Variants in ABCA4 observed in about 807,000 individuals in gnomAD.
The protein encoded by ABCA4 is retinal-specific phospholipid-transporting ATPase ABCA4.
In ABCA4, 196 loss-of-function variants were observed where a neutral mutation model predicts 263.7. The observed-to-expected ratio is 0.74, with a 90% confidence interval of 0.66 to 0.84. The LOEUF is 0.84. Ranked by LOEUF, ABCA4 falls within the 40% of genes least tolerant of loss-of-function variation. ABCA4 has a pLI of 0.00. For synonymous variants in ABCA4, 1,133 were observed against 1,094.2 expected, an observed-to-expected ratio of 1.04 and a Z score of -0.70; for missense variants, 2,792 against 2,855.1, an observed-to-expected ratio of 0.98 and a Z score of 0.50.
At chr1:94,055,892 A>G (rs1299166445) in intron 15 of ABCA4, among the ~76,000 whole-genome samples, 39 of 152,166 alleles carry the variant, frequency 2.6e-4, no homozygotes, top group Non-Finnish European at 7.3e-5. Context: ...TCTTGACTCT[A>G]CAGCACAGAG....
chr1:94,109,110 A>C (rs1397957131), intron 3 of ABCA4, among the ~76,000 whole-genome samples: 1 of 152,236 alleles, frequency 6.6e-6, no homozygotes, highest in African/African-American at 2.4e-5. Flanking sequence ...TGTCTGGCCT[A>C]GCTACTACAT....
intron 38 of ABCA4, among the ~76,000 whole-genome samples, chr1:94,014,329 AAGGAGGG>A (rs749733209): frequency 2.9e-5 from 4 of 139,954 alleles, no homozygotes; most frequent in Non-Finnish European, 3.1e-5. Flanking sequence ...GGGACGGGGG[AAGGAGGG>A]AGGAGGGAGG....
At chr1:94,027,724 C>T (rs1660080802) in intron 30 of ABCA4, among the ~76,000 whole-genome samples, 1 of 152,182 alleles carries the variant, frequency 6.6e-6, no homozygotes, top group Admixed American at 6.5e-5. Flanking sequence ...CTCCCTGCTG[C>T]CTTAGCCATA....
intron 45 of ABCA4, chr1:94,001,578 G>A (rs1324367306): frequency 1.6e-6 from 1 of 616,350 alleles, no homozygotes; most frequent in African/African-American, 1.8e-5. Flanking sequence ...CGCAGAGTGG[G>A]CTGAACTTCC....
chr1:94,106,443 C>T (rs932497674), intron 4 of ABCA4, among the ~76,000 whole-genome samples: 4 of 152,138 alleles, frequency 2.6e-5, no homozygotes, highest in Non-Finnish European at 4.4e-5. Context: ...TATGTCATCC[C>T]GCCAGGAGCT....
At chr1:94,059,984 C>G (rs926777785) in intron 14 of ABCA4, among the ~76,000 whole-genome samples, 19 of 152,088 alleles carry the variant, frequency 1.2e-4, no homozygotes, top group African/African-American at 4.6e-4. Context: ...CAAATTCCAT[C>G]CTTTAAAAGA....
chr1:94,119,449 C>T (rs1466033284), intron 1 of ABCA4, among the ~76,000 whole-genome samples: 2 of 152,172 alleles, frequency 1.3e-5, no homozygotes, highest in Non-Finnish European at 2.9e-5. Context: ...TCCCATGCTG[C>T]TCTCTTTTAT....
In ABCA4 at chr1:94,010,831, G is replaced by C; in HGVS notation, c.5683C>G (p.Leu1895Val). The change falls in exon 40 of 50, where the codon CTG (leucine) becomes GTG (valine). Residue 1895 changes from leucine to valine, a missense_variant. Leu to Val is a conservative substitution (Grantham distance 32). Coordinates refer to ENST00000370225, the MANE Select transcript of ABCA4 (RefSeq NM_000350.3). ...GAGAGGAAGAAGTGGCGCTGGACCA[G>C]CAGGGTCAGGAGGAAGTACACCACC... ...EGVVYFLLTL[L>V]VQRHFFLSQW... 6.2e-7 allele frequency: 1 copy of C among 1,614,126 alleles called. No homozygotes were observed. The highest frequency in any genetic ancestry group is 2.2e-5 in the East Asian group (1 of 44,864).
chr1:94,042,919 G>T (rs1301740710), intron 21 of ABCA4, 21 bp from the exon 22 acceptor site: 2 of 1,614,152 alleles, frequency 1.2e-6, no homozygotes, highest in Admixed American at 3.3e-5. Flanking sequence ...AAGAAGGACG[G>T]GAGAGTTAAG....
intron 7 of ABCA4, among the ~76,000 whole-genome samples, chr1:94,080,942 T>C (rs1661681021): frequency 6.6e-6 from 1 of 151,790 alleles, no homozygotes; most frequent in Admixed American, 6.6e-5. Context: ...AATCACAGAG[T>C]GGCCGGGCGC....
intron 11 of ABCA4, among the ~76,000 whole-genome samples, chr1:94,069,162 C>T (rs1661344471): frequency 6.6e-6 from 1 of 152,252 alleles, no homozygotes; most frequent in African/African-American, 2.4e-5. Flanking sequence ...CATTTGTTTA[C>T]ACAGCTAAAT....
chr1:94,065,910 G>A (rs761983915), intron 11 of ABCA4, among the ~76,000 whole-genome samples: 12 of 152,196 alleles, frequency 7.9e-5, no homozygotes, highest in Non-Finnish European at 2.9e-5. Context: ...ACCAGTATGT[G>A]TAGTCACCCA....
intron 1 of ABCA4, among the ~76,000 whole-genome samples, chr1:94,113,906 C>T (rs944194304): frequency 1.3e-5 from 2 of 152,200 alleles, no homozygotes; most frequent in African/African-American, 2.4e-5. Context: ...GCAGTCCACA[C>T]CCTGTGGCAT....
intron 1 of ABCA4, among the ~76,000 whole-genome samples, chr1:94,116,802 A>T (rs145618578): frequency 0.01 from 1,528 of 151,574 alleles, 14 homozygotes; most frequent in Non-Finnish European, 0.015. Context: ...AGCAGCTCAG[A>T]CTCCCCCTAC....
Position 94,008,241 on chromosome 1 carries a change from A to T in ABCA4, c.5892T>A (p.Pro1964=). The T allele has an allele frequency of 6.2e-7, 1 of 1,614,132 alleles. No individual in the cohort carries two copies. Among genetic ancestry groups the T allele is most frequent in the Non-Finnish European group, 8.5e-7 (1 of 1,180,012 alleles). Residue 1964 remains proline, a synonymous_variant, in exon 42 of 50, where the codon CCT becomes CCA. Coordinates refer to ENST00000370225, the MANE Select transcript of ABCA4 (RefSeq NM_000350.3). The part of the protein sequence containing the change: ...AVDRLCVGVR[P]GECFGLLGVN... ...TGGTCTGCAGAGTACCCACCTCTCC[A>T]GGGCGAACTCCGACACACAGCCTGT...
intron 11 of ABCA4, among the ~76,000 whole-genome samples, chr1:94,068,318 G>A (rs1034820620): frequency 6.6e-6 from 1 of 152,146 alleles, no homozygotes. Context: ...ATCTTCCCTA[G>A]ATCAAGGTAG....
chr1:94,005,148 G>A (rs1659337003), intron 44 of ABCA4, among the ~76,000 whole-genome samples: 1 of 152,202 alleles, frequency 6.6e-6, no homozygotes, highest in African/African-American at 2.4e-5. Context: ...TGCACTGTGG[G>A]AGATGCATCT....
In ABCA4 at chr1:94,120,841, T is replaced by C. The variant is rs111652191; in HGVS notation, c.66+139A>G. On this transcript the variant is annotated intron_variant, in intron 1 of 49. Coordinates refer to ENST00000370225, the MANE Select transcript of ABCA4 (RefSeq NM_000350.3). The stretch of plus-strand genomic sequence containing the variant: ...GCCGTCCAGCTAAACACTGCTTCAG[T>C]GCTAATCGGCGACAAGCCCACTGAC... 711 of 776,668 alleles carry C rather than the reference T, an allele frequency of 9.2e-4. 4 individuals carry two copies. In the African/African-American group the frequency reaches 0.01, roughly 11 times the overall value. 48.1% of individuals were successfully genotyped at this position (776,668 alleles called of 1,614,324 possible).
Position 94,044,618 on chromosome 1 carries a change from G to A in ABCA4, c.3045C>T (p.Phe1015=), listed in dbSNP as rs1570374877. ...LGMCPQHNIL[F]HHLTVAEHML... is the part of the protein sequence containing the mutation. ...TCAGTTCCTGTGTCGCTTACTGGTG[G>A]AACAGGATGTTGTGCTGTGGACACA... The change falls in exon 20 of 50, where the codon TTC becomes TTT. Residue 1015 remains phenylalanine, a synonymous_variant. Transcript: ENST00000370225. The A allele has an allele frequency of 8.1e-6, 13 of 1,614,198 alleles. No individual in the cohort carries two copies. The highest frequency in any genetic ancestry group is 8.5e-6 in the Non-Finnish European group (10 of 1,180,028).
Sources: gnomAD v4.1 joint callset for allele counts (sites outside exome capture counted in the v4.1 genomes callset) on GRCh38, gnomAD v4.1.1 for gene constraint, MANE v1.5 for transcripts, NCBI Gene and HGNC (gene_info 2026-07-23, HGNC 2026-07-21) for gene names.